The following TCF4 variants were observed in gnomAD, a reference collection of about 807,000 sequenced individuals.
TCF4 encodes transcription factor 4, also known as SL3-3 enhancer factor 2.
Under a neutral mutation model 82.1 loss-of-function variants are expected in TCF4, and 3 were observed. That is an observed-to-expected ratio of 0.04 (90% CI 0.02 to 0.09). TCF4 has a LOEUF of 0.09. Ranked by LOEUF, TCF4 falls within the 10% of genes least tolerant of loss-of-function variation. The pLI, the probability that TCF4 is intolerant of heterozygous loss-of-function variation, is 1.00. For missense variants in TCF4, 518 were observed against 852.7 expected (o/e 0.61, Z 4.89); for synonymous variants, 276 against 309.6 (o/e 0.89, Z 1.14).
intron 8 of TCF4, among the ~76,000 whole-genome samples, chr18:55,340,508 T>A (rs185119540): frequency 9.1e-5 from 13 of 142,084 alleles, no homozygotes; most frequent in Non-Finnish European, 1.8e-4. Context: ...CGCTTGAGCC[T>A]GGGAGTTTGA....
At chr18:55,340,663 C>T (rs939326888) in intron 8 of TCF4, among the ~76,000 whole-genome samples, 10 of 148,952 alleles carry the variant, frequency 6.7e-5, no homozygotes, top group African/African-American at 2.2e-4. Context: ...TTCTTTTGAA[C>T]ATAGCTGAGA....
chr18:55,286,995 TTAAC>T (rs1489511769), intron 8 of TCF4, among the ~76,000 whole-genome samples: 1 of 152,200 alleles, frequency 6.6e-6, no homozygotes, highest in Non-Finnish European at 1.5e-5. Context: ...TTTAAAAGAA[TTAAC>T]TAAATAGTTC....
chr18:55,299,327 G>A (rs139523674), intron 8 of TCF4, among the ~76,000 whole-genome samples: 4,301 of 152,104 alleles, frequency 0.028, 104 homozygotes, highest in Non-Finnish European at 0.039. Flanking sequence ...CAGGAGAATC[G>A]CTTGAACCTG....
At chr18:55,387,944 T>C (rs1441265192) in intron 6 of TCF4, among the ~76,000 whole-genome samples, 1 of 152,196 alleles carries the variant, frequency 6.6e-6, no homozygotes, top group African/African-American at 2.4e-5. Flanking sequence ...TGTGGCTGTG[T>C]CTGAGCAAGG....
chr18:55,527,187 T>A (rs1373863232), intron 3 of TCF4, among the ~76,000 whole-genome samples: 1 of 152,156 alleles, frequency 6.6e-6, no homozygotes, highest in Non-Finnish European at 1.5e-5. Flanking sequence ...CTAGCCCGCA[T>A]CCTTAAGGCA....
chr18:55,357,783 C>T (rs1455281655), intron 6 of TCF4, among the ~76,000 whole-genome samples: 1 of 152,140 alleles, frequency 6.6e-6, no homozygotes, highest in Non-Finnish European at 1.5e-5. Flanking sequence ...GGTCATGTGG[C>T]CTACCCAGCA....
rs568938747 is a variant in TCF4, at chr18:55,422,290, G to A, written c.305-18772C>T. ...ATGTGGATGAATAAACTGTTGTGGC[G>A]TGAATCTGCCAGCCAGAGGACAGAA... On this transcript the variant is annotated intron_variant, in intron 5 of 19. Coordinates refer to ENST00000354452, the MANE Select transcript of TCF4 (RefSeq NM_001083962.2). 17 of 985,306 alleles carry A rather than the reference G, an allele frequency of 1.7e-5. No individual in the cohort carries two copies. The South Asian group carries it at 5.2e-4, about 30-fold the overall frequency. 61.0% of individuals were successfully genotyped at this position (985,306 alleles called of 1,614,324 possible).
chr18:55,344,754 A>G (rs1410793880), intron 8 of TCF4, among the ~76,000 whole-genome samples: 1 of 152,130 alleles, frequency 6.6e-6, no homozygotes, highest in Non-Finnish European at 1.5e-5. Context: ...CACTGAGTAG[A>G]AAAATGGGGT....
chr18:55,414,498 A>T (rs2094460444), intron 5 of TCF4, among the ~76,000 whole-genome samples: 1 of 152,214 alleles, frequency 6.6e-6, no homozygotes, highest in South Asian at 2.1e-4. Context: ...AACAAATACC[A>T]AACTGACTCC....
chr18:55,618,193 ACTT>A (rs577911059), intron 2 of TCF4, among the ~76,000 whole-genome samples: 71 of 152,246 alleles, frequency 4.7e-4, no homozygotes, highest in African/African-American at 1.5e-3. Flanking sequence ...TTCATCAAAT[ACTT>A]CTTCTTCATC....
chr18:55,461,058 C>T lies in TCF4; in HGVS notation c.265G>A (p.Asp89Asn). Residue 89 changes from aspartate to asparagine, a missense_variant, in exon 5 of 20, where the codon GAC (aspartate) becomes AAC (asparagine). Coordinates refer to ENST00000354452, the MANE Select transcript of TCF4 (RefSeq NM_001083962.2). ...HMTSRDLGSH[D>N]NLSPPFVNSR... ...TTGACAAAAGGTGGAGAGAGATTGT[C>T]ATGTGACCCAAGGTCCCTGCTGGTC... The T allele has an allele frequency of 6.2e-7, 1 of 1,613,410 alleles. No homozygotes were observed. The highest frequency in any genetic ancestry group is 8.5e-7 in the Non-Finnish European group (1 of 1,179,556).
chr18:55,436,426 A>T (rs1011365645), intron 5 of TCF4, among the ~76,000 whole-genome samples: 9 of 152,232 alleles, frequency 5.9e-5, no homozygotes, highest in East Asian at 3.8e-4. Context: ...GTATTCTATG[A>T]TGTAAGAAAA....
At chr18:55,512,050 T>C (rs752269301) in intron 3 of TCF4, among the ~76,000 whole-genome samples, 6 of 152,176 alleles carry the variant, frequency 3.9e-5, no homozygotes, top group Non-Finnish European at 8.8e-5. Context: ...AAAATGCCAA[T>C]TTCTAAAAGA....
chr18:55,563,714 C>T lies in TCF4; in HGVS notation c.145+21566G>A, dbSNP rs543059239. 3.9e-5 allele frequency among the ~76,000 whole-genome samples: 6 copies of T among 152,288 alleles called. No individual in the cohort carries two copies. The East Asian group carries it at 7.7e-4, about 20-fold the overall frequency. On this transcript the variant is annotated intron_variant, in intron 3 of 19. Transcript: ENST00000354452. ...TAACTAGATTTCAGGGCCTAACATA[C>T]GATATTAAGGTAAGAGAACGTGACA...
At chr18:55,281,350 ATAATC>A (rs1465796542) in intron 8 of TCF4, among the ~76,000 whole-genome samples, 1 of 152,172 alleles carries the variant, frequency 6.6e-6, no homozygotes, top group African/African-American at 2.4e-5. Context: ...GGTCTTGAGA[ATAATC>A]TAACAAGATG....
At chr18:55,411,262 C>T (rs944928034) in intron 5 of TCF4, among the ~76,000 whole-genome samples, 1 of 152,164 alleles carries the variant, frequency 6.6e-6, no homozygotes, top group African/African-American at 2.4e-5. Flanking sequence ...AATCACTCAA[C>T]TTACTTCTAA....
intron 5 of TCF4, among the ~76,000 whole-genome samples, chr18:55,424,728 T>C (rs965839964): frequency 6.6e-6 from 1 of 152,244 alleles, no homozygotes; most frequent in Admixed American, 6.5e-5. Context: ...TTTAATCATG[T>C]CTTCTTCCTT....
In TCF4 at chr18:55,497,758, C is replaced by T. The variant is rs575978477; in HGVS notation, c.146-33621G>A. Among the ~76,000 whole-genome samples the T allele has an allele frequency of 3.2e-4, 48 of 151,844 alleles. 1 individual carries two copies. The highest frequency in any genetic ancestry group is 8.7e-4 in the African/African-American group (36 of 41,398). On this transcript the variant is annotated intron_variant, in intron 3 of 19. Coordinates refer to ENST00000354452, the MANE Select transcript of TCF4 (RefSeq NM_001083962.2). The stretch of plus-strand genomic sequence containing the variant: ...AAACAGAAGACCTCACAATATCCAG[C>T]GGGGGGAAAATTATGAGAAGTGAAT...
intron 8 of TCF4, among the ~76,000 whole-genome samples, chr18:55,314,993 C>G (rs1373729963): frequency 6.6e-6 from 1 of 152,072 alleles, no homozygotes; most frequent in Non-Finnish European, 1.5e-5. Context: ...ATTTTCAGGA[C>G]AGCTACAATG....
Sources: allele counts gnomAD v4.1 joint callset (sites outside exome capture counted in the v4.1 genomes callset), GRCh38; gene constraint gnomAD v4.1.1; transcripts MANE v1.5; gene names NCBI Gene and HGNC (gene_info 2026-07-23, HGNC 2026-07-21).